COLEC12: variants seen among roughly 807,000 people sequenced by gnomAD.
The protein encoded by COLEC12 is collectin subfamily member 12.
In COLEC12, 33 loss-of-function variants were observed where a neutral mutation model predicts 71.1. The ratio of observed to expected loss-of-function variants is 0.46; its 90% confidence interval spans 0.35 to 0.62. COLEC12 has a LOEUF of 0.62. Among genes scored for constraint, COLEC12 ranks in the 20% least tolerant of loss-of-function variants. The pLI is 0.00. For missense variants in COLEC12, 765 were observed against 916.1 expected, an observed-to-expected ratio of 0.84 and a Z score of 2.13; for synonymous variants, 350 against 353.0, an observed-to-expected ratio of 0.99 and a Z score of 0.10.
In COLEC12 at chr18:357,393, TG is replaced by T. The variant is rs762132685; in HGVS notation, c.181+6del. On this transcript the variant is annotated splice_donor_region_variant and intron_variant, in intron 3 of 9. Transcript: ENST00000400256. ...TATTTGGAAGAAAAAAAAGAAAGCA[TG>T]CTTACCTTTATATCCCAAAATGGCT... is the stretch of plus-strand genomic sequence containing the variant. The T allele has an allele frequency of 6.3e-7, 1 of 1,588,678 alleles. No homozygotes were observed. The highest frequency in any genetic ancestry group is 8.5e-7 in the Non-Finnish European group (1 of 1,173,140).
At chr18:347,632 C>T (rs1914414708) in intron 4 of COLEC12, among the ~76,000 whole-genome samples, 2 of 151,996 alleles carry the variant, frequency 1.3e-5, no homozygotes, top group Non-Finnish European at 2.9e-5. Context: ...CAAGAAGAAA[C>T]TAACCTTTTA....
chr18:391,593 T>G (rs1915465408), intron 2 of COLEC12, among the ~76,000 whole-genome samples: 1 of 152,160 alleles, frequency 6.6e-6, no homozygotes, highest in African/African-American at 2.4e-5. Context: ...AATCCTGTCT[T>G]TTGGGACACT....
chr18:386,321 TAA>T (rs1271537576), intron 2 of COLEC12, among the ~76,000 whole-genome samples: 1 of 152,200 alleles, frequency 6.6e-6, no homozygotes. Flanking sequence ...ACTGGAAGAC[TAA>T]AACGTGGTCA....
At chr18:421,636 A>G (rs1471100107) in intron 2 of COLEC12, among the ~76,000 whole-genome samples, 2 of 152,194 alleles carry the variant, frequency 1.3e-5, no homozygotes, top group Non-Finnish European at 2.9e-5. Context: ...ATGCACAGAA[A>G]GTCGGTGCTG....
At chr18:498,820 T>A (rs537130402) in intron 1 of COLEC12, among the ~76,000 whole-genome samples, 136 of 152,288 alleles carry the variant, frequency 8.9e-4, no homozygotes, top group African/African-American at 3.1e-3. Flanking sequence ...TGGTCCAGAA[T>A]GCAGCATAAA....
intron 2 of COLEC12, among the ~76,000 whole-genome samples, chr18:420,111 G>A (rs972824011): frequency 6.6e-6 from 1 of 152,154 alleles, no homozygotes; most frequent in East Asian, 1.9e-4. Context: ...GTGGCGCAGA[G>A]GAGAGTTGTG....
At chr18:345,213 A>G (rs1165191566) in intron 5 of COLEC12, among the ~76,000 whole-genome samples, 1 of 152,242 alleles carries the variant, frequency 6.6e-6, no homozygotes, top group African/African-American at 2.4e-5. Context: ...ATCTTCCACC[A>G]GTACTTTCAA....
In COLEC12 at chr18:321,933, G is replaced by T; in HGVS notation, c.2064-126C>A. The T allele has an allele frequency of 4.2e-6, 4 of 949,870 alleles. No individual in the cohort carries two copies. In the South Asian group the frequency reaches 6.6e-5, roughly 16 times the overall value. The allele number at this position is 949,870 out of a possible 1,614,324, so 58.8% of individuals were successfully genotyped here. A position where few individuals can be genotyped will look rare whatever the true frequency, so the allele number is the denominator to read the frequency against. ...TCATTTATCCTGGAATGAAAATGCA[G>T]TTTAAAAATCAGTACATGCTCTTAT... is the stretch of plus-strand genomic sequence containing the variant. On this transcript the variant is annotated intron_variant, in intron 8 of 9. Transcript: ENST00000400256.
At chr18:407,882 C>T (rs768489468) in intron 2 of COLEC12, among the ~76,000 whole-genome samples, 2 of 152,312 alleles carry the variant, frequency 1.3e-5, no homozygotes, top group South Asian at 2.1e-4. Context: ...GCCTGGAGCC[C>T]GCCCTAGGCC....
chr18:470,132 A>AT (rs1490062170), intron 2 of COLEC12, among the ~76,000 whole-genome samples: 2 of 148,796 alleles, frequency 1.3e-5, no homozygotes, highest in East Asian at 2.0e-4. Context: ...ATATCTTAAT[A>AT]TTTTTTATCA....
chr18:492,341 A>G (rs1567924941), intron 1 of COLEC12, among the ~76,000 whole-genome samples: 1 of 152,208 alleles, frequency 6.6e-6, no homozygotes, highest in East Asian at 1.9e-4. Context: ...CTTCCTTTAC[A>G]GTCTAACAAA....
intron 2 of COLEC12, among the ~76,000 whole-genome samples, chr18:439,071 T>C (rs542196434): frequency 1.3e-5 from 2 of 152,294 alleles, no homozygotes; most frequent in Admixed American, 1.3e-4. Flanking sequence ...TGCCTTCCTC[T>C]AAAAGTAGAA....
chr18:452,678 CT>C (rs1445752517), intron 2 of COLEC12, among the ~76,000 whole-genome samples: 8 of 152,236 alleles, frequency 5.3e-5, no homozygotes, highest in Non-Finnish European at 1.0e-4. Flanking sequence ...AACCATAACT[CT>C]TTCCAATCAA....
chr18:348,270 C>T lies in COLEC12; in HGVS notation c.182-107G>A, dbSNP rs536752889. ...TATGGAACAAAGGAAACAGATTGAA[C>T]GAAAACAGTGTAACTGAAATCAAAT... On this transcript the variant is annotated intron_variant, in intron 3 of 9. Coordinates refer to ENST00000400256, the MANE Select transcript of COLEC12 (RefSeq NM_130386.3). The T allele has an allele frequency of 3.9e-4, 258 of 653,958 alleles. 1 individual carries two copies. Among genetic ancestry groups the T allele is most frequent in the Non-Finnish European group, 5.4e-4 (205 of 380,734 alleles). 40.5% of individuals were successfully genotyped at this position (653,958 alleles called of 1,614,324 possible).
chr18:329,233 C>T (rs1567873986), intron 8 of COLEC12, among the ~76,000 whole-genome samples: 1 of 152,266 alleles, frequency 6.6e-6, no homozygotes, highest in Admixed American at 6.5e-5. Flanking sequence ...CAGTAATGTT[C>T]CAGCTCAATC....
chr18:497,982 T>C (rs151315215), intron 1 of COLEC12, among the ~76,000 whole-genome samples: 97 of 152,330 alleles, frequency 6.4e-4, no homozygotes, highest in African/African-American at 2.2e-3. Flanking sequence ...GGCTAGTTAG[T>C]TGTCTCAGAT....
chr18:455,811 T>C (rs1175043026), intron 2 of COLEC12, among the ~76,000 whole-genome samples: 1 of 152,220 alleles, frequency 6.6e-6, no homozygotes, highest in East Asian at 1.9e-4. Flanking sequence ...TCCATGTCCC[T>C]GCAAAGACAT....
rs760407917 is a variant in COLEC12, at chr18:325,627, C to CTTTTTTTTTT, written c.2064-3830_2064-3821dup. Reference sequence around the variant, plus strand: ...TTACACCAAGAGTAAAAGGATCAGCCTTTTTTTTTTTTTTTTTTTTTTTTT... The same window carrying CTTTTTTTTTT: ...TTACACCAAGAGTAAAAGGATCAGCCTTTTTTTTTTTTTTTTTTTTTTTTTTTTTTTTTTT... On this transcript the variant is annotated intron_variant, in intron 8 of 9. Coordinates refer to ENST00000400256, the MANE Select transcript of COLEC12 (RefSeq NM_130386.3). Among the ~76,000 whole-genome samples, 169 of 51,842 alleles carry CTTTTTTTTTT rather than the reference C, an allele frequency of 3.3e-3. 25 individuals carry two copies. The highest frequency in any genetic ancestry group is 0.028 in the Middle Eastern group (1 of 36). The allele number at this position is 51,842 out of a possible 152,430, so 34.0% of individuals were successfully genotyped here. A position where few individuals can be genotyped will look rare whatever the true frequency, so the allele number is the denominator to read the frequency against.
At chr18:428,472 C>G (rs1916239942) in intron 2 of COLEC12, among the ~76,000 whole-genome samples, 1 of 152,178 alleles carries the variant, frequency 6.6e-6, no homozygotes, top group Admixed American at 6.5e-5. Flanking sequence ...TCAAGTAACT[C>G]ACTGGGTGAC....
Sources: gnomAD v4.1 joint callset for allele counts (sites outside exome capture counted in the v4.1 genomes callset) on GRCh38, gnomAD v4.1.1 for gene constraint, MANE v1.5 for transcripts, NCBI Gene and HGNC (gene_info 2026-07-23, HGNC 2026-07-21) for gene names.